BAZ1A: variants seen among roughly 807,000 people sequenced by gnomAD.
BAZ1A encodes the protein bromodomain adjacent to zinc finger domain 1A, also known as bromodomain adjacent to zinc finger domain protein 1A.
BAZ1A carries 50 observed loss-of-function variants against 185.2 expected under a neutral mutation model. The observed-to-expected ratio is 0.27, with a 90% CI of 0.22 to 0.34. The LOEUF (loss-of-function observed/expected upper bound fraction) is 0.34. Among genes scored for constraint, BAZ1A ranks in the 10% least tolerant of loss-of-function variants. BAZ1A has a pLI of 1.00. For synonymous variants in BAZ1A, 571 were observed against 615.6 expected (o/e 0.93, Z 1.07); for missense variants, 1,356 against 1,839.9 (o/e 0.74, Z 4.81).
chr14:34,762,358 A>G (rs941610267), intron 23 of BAZ1A, 135 bp from the exon 24 acceptor site: 9 of 761,124 alleles, frequency 1.2e-5, no homozygotes, highest in Non-Finnish European at 1.9e-5. Flanking sequence ...CCTAGACTCA[A>G]TTCCTTAAAG....
rs1343723467 is a variant in BAZ1A at position 34,839,835 on chromosome 14, G to C, written c.393-13679C>G. Among the ~76,000 whole-genome samples, 4 of 56,714 alleles carry C rather than the reference G, an allele frequency of 7.1e-5. No individual in the cohort carries two copies. The South Asian group carries it at 3.1e-3, about 43-fold the overall frequency. The allele number at this position is 56,714 out of a possible 152,430, so 37.2% of individuals were successfully genotyped here. A position where few individuals can be genotyped will look rare whatever the true frequency, so the allele number is the denominator to read the frequency against. On this transcript the variant is annotated intron_variant, in intron 3 of 26. Transcript: ENST00000360310. Reference sequence around the variant, plus strand: ...AGCCTGGGCGACAAAGCGAGCCTCTGTTTCAAAAAAAAAAAAAAAAAAGGA... The same window carrying C: ...AGCCTGGGCGACAAAGCGAGCCTCTCTTTCAAAAAAAAAAAAAAAAAAGGA...
intron 21 of BAZ1A, among the ~76,000 whole-genome samples, chr14:34,767,304 C>T (rs566465427): frequency 2.0e-5 from 3 of 152,304 alleles, no homozygotes; most frequent in African/African-American, 7.2e-5. Flanking sequence ...AATCCCAGCA[C>T]TTTGAGAGGC....
In BAZ1A at chr14:34,844,777, G is replaced by GCACA. The variant is rs4007479; in HGVS notation, c.392+17263_392+17266dup. On this transcript the variant is annotated intron_variant, in intron 3 of 26. Transcript: ENST00000360310. ...TGTCTAAACACACACACACACACGC[G>GCACA]CACACACACACACACACACACACAC... Among the ~76,000 whole-genome samples, 851 of 86,838 alleles carry GCACA rather than the reference G, an allele frequency of 9.8e-3. 10 individuals are homozygous for GCACA. The highest frequency in any genetic ancestry group is 0.06 in the East Asian group (226 of 3,762). The allele number at this position is 86,838 out of a possible 152,430, so 57.0% of individuals were successfully genotyped here. A position where few individuals can be genotyped will look rare whatever the true frequency, so the allele number is the denominator to read the frequency against.
chr14:34,814,443 T>C (rs1380951574), intron 4 of BAZ1A, among the ~76,000 whole-genome samples: 2 of 152,054 alleles, frequency 1.3e-5, no homozygotes, highest in African/African-American at 2.4e-5. Context: ...TATTCAGATA[T>C]TGGTATACAG....
Position 34,792,773 on chromosome 14 carries a change from A to G in BAZ1A, c.1510+2T>C. 1 of 1,613,344 alleles carries G rather than the reference A, an allele frequency of 6.2e-7. No homozygotes were observed. Among genetic ancestry groups the G allele is most frequent in the Non-Finnish European group, 8.5e-7 (1 of 1,179,870 alleles). On this transcript the variant is annotated splice_donor_variant, in intron 12 of 26. Transcript: ENST00000360310. LOFTEE classifies it high-confidence loss of function. ...CAATCAGCAATAATGTTGAACTCTG[A>G]CCTTTGGTGTCAGCATCAGTTAGTT...
chr14:34,873,895 C>T (rs10147966), intron 2 of BAZ1A, among the ~76,000 whole-genome samples: 1,839 of 152,310 alleles, frequency 0.012, 43 homozygotes, highest in African/African-American at 0.041. Context: ...GCCCTCCACC[C>T]CTGGCCCGTA....
intron 2 of BAZ1A, among the ~76,000 whole-genome samples, chr14:34,868,994 C>T (rs997242533): frequency 2.0e-5 from 3 of 150,084 alleles, no homozygotes; most frequent in East Asian, 1.9e-4. Flanking sequence ...TACTCGATCT[C>T]GGGAGATCGA....
At chr14:34,793,568 C>T (rs1365629366) in intron 11 of BAZ1A, among the ~76,000 whole-genome samples, 3 of 151,570 alleles carry the variant, frequency 2.0e-5, no homozygotes, top group Admixed American at 6.6e-5. Flanking sequence ...CAGCACTTTG[C>T]GAGGCCAAGG....
At chr14:34,755,557 T>C (rs753397130) in intron 25 of BAZ1A, among the ~76,000 whole-genome samples, 6 of 152,174 alleles carry the variant, frequency 3.9e-5, no homozygotes, top group Admixed American at 2.0e-4. Context: ...ATTCTATCCT[T>C]CTTCAATGAC....
rs563027793 is a variant in BAZ1A, at chr14:34,773,398, CAG to C, written c.3152+172_3152+173del. On this transcript the variant is annotated intron_variant, in intron 20 of 26. Coordinates refer to ENST00000360310, the MANE Select transcript of BAZ1A (RefSeq NM_013448.3). The stretch of plus-strand genomic sequence containing the variant: ...GTTGCATTAGTACAAAGTGGAGTAA[CAG>C]AGATCCTGAGGTTTAGAAAATGATC... Among the ~76,000 whole-genome samples, 25 of 149,944 alleles carry C rather than the reference CAG, an allele frequency of 1.7e-4. 1 individual carries two copies. In the South Asian group the frequency reaches 4.4e-3, roughly 26 times the overall value.
intron 12 of BAZ1A, among the ~76,000 whole-genome samples, chr14:34,789,859 A>AT (rs1183368859): frequency 3.3e-5 from 5 of 152,226 alleles, no homozygotes; most frequent in African/African-American, 1.2e-4. Context: ...ATGAAACAAC[A>AT]TAGCATAATT....
At chr14:34,780,446 G>T in intron 16 of BAZ1A, 136 bp from the exon 17 acceptor site, 1 of 808,216 alleles carries the variant, frequency 1.2e-6, no homozygotes, top group Non-Finnish European at 1.8e-6. Flanking sequence ...TTTTGGTCTT[G>T]CAGAGAAAAC....
chr14:34,761,774 C>T lies in BAZ1A; in HGVS notation c.4226G>A (p.Arg1409Lys), dbSNP rs45620534. ...CTTCATACCTGGAGATTGTCTTTTT[C>T]TGCATCTTCTTTTGGATTCACTCTC... ...LQESESKRRC[R>K]KRQSPEPSPV... Residue 1409 changes from arginine to lysine, a missense_variant, in exon 24 of 27, where the codon AGA becomes AAA. Arg to Lys is a conservative substitution (Grantham distance 26). Coordinates refer to ENST00000360310, the MANE Select transcript of BAZ1A (RefSeq NM_013448.3). 0.088 allele frequency: 142,498 copies of T among 1,610,306 alleles called. 7,001 individuals are homozygous for T. The highest frequency in any genetic ancestry group is 0.1 in the Middle Eastern group (633 of 6,038).
intron 3 of BAZ1A, among the ~76,000 whole-genome samples, chr14:34,853,363 T>C (rs2138795252): frequency 6.6e-6 from 1 of 152,328 alleles, no homozygotes; most frequent in South Asian, 2.1e-4. Flanking sequence ...AGCTATTCTC[T>C]TTACTACTCT....
chr14:34,820,775 T>C (rs2042077882), intron 4 of BAZ1A, among the ~76,000 whole-genome samples: 1 of 151,998 alleles, frequency 6.6e-6, no homozygotes, highest in African/African-American at 2.4e-5. Context: ...TTTTTTTACA[T>C]GTAGATATCC....
intron 3 of BAZ1A, among the ~76,000 whole-genome samples, chr14:34,826,999 T>G (rs568996302): frequency 6.6e-6 from 1 of 152,264 alleles, no homozygotes; most frequent in Non-Finnish European, 1.5e-5. Flanking sequence ...CCTTTGGACA[T>G]CAACAACTCC....
intron 11 of BAZ1A, among the ~76,000 whole-genome samples, 158 bp from the exon 12 acceptor site, chr14:34,793,079 G>A (rs1463005263): frequency 1.3e-5 from 2 of 152,054 alleles, no homozygotes; most frequent in African/African-American, 2.4e-5. Context: ...GCCAAAATAA[G>A]AATTTATAAT....
chr14:34,774,128 C>T (rs150505745), intron 19 of BAZ1A, among the ~76,000 whole-genome samples, 199 bp downstream of exon 19: 1 of 152,172 alleles, frequency 6.6e-6, no homozygotes, highest in African/African-American at 2.4e-5. Context: ...AATATCCTTA[C>T]GCATTTCAAC....
chr14:34,868,609 T>C (rs11623145), intron 2 of BAZ1A, among the ~76,000 whole-genome samples: 39,265 of 151,964 alleles, frequency 0.26, 5,227 homozygotes, highest in Middle Eastern at 0.33. Flanking sequence ...AAGACCAGCA[T>C]AGCCAAGATG....
Sources: allele counts gnomAD v4.1 joint callset (sites outside exome capture counted in the v4.1 genomes callset), GRCh38; gene constraint gnomAD v4.1.1; transcripts MANE v1.5; gene names NCBI Gene and HGNC (gene_info 2026-07-23, HGNC 2026-07-21).